Variants in CSGALNACT1 observed in about 807,000 individuals in gnomAD.
The protein encoded by CSGALNACT1 is beta4GalNAcT-1.
Under a neutral mutation model 51.0 loss-of-function variants are expected in CSGALNACT1, and 52 were observed. That is an observed-to-expected ratio of 1.02 (90% confidence interval 0.82 to 1.29). The LOEUF (loss-of-function observed/expected upper bound fraction) is 1.29, where lower values mean the gene tolerates loss of function less well. CSGALNACT1 is among the 50% of genes most tolerant of loss of function. The pLI, the probability that CSGALNACT1 is intolerant of heterozygous loss-of-function variation, is 0.00. For missense variants in CSGALNACT1, 935 were observed against 679.2 expected, an observed-to-expected ratio of 1.38 and a Z score of -4.19; for synonymous variants, 341 against 254.4, an observed-to-expected ratio of 1.34 and a Z score of -3.24.
rs997525718 is a variant in CSGALNACT1 at position 19,667,068 on chromosome 8, A to G, written c.-544+15405T>C. 8.5e-4 allele frequency among the ~76,000 whole-genome samples: 105 copies of G among 123,712 alleles called. 10 individuals carry two copies. The South Asian group carries it at 0.01, about 12-fold the overall frequency. The allele number at this position is 123,712 out of a possible 152,430, so 81.2% of individuals were successfully genotyped here. On this transcript the variant is annotated intron_variant, in intron 1 of 9. Coordinates refer to the CSGALNACT1 transcript ENST00000332246. ...GAAAGAAAGAAAGAAAGAAAGAAAG[A>G]AAGAAAGAAAGAAAGAAAGAAAGAA... is the stretch of plus-strand genomic sequence containing the variant.
intron 6 of CSGALNACT1, among the ~76,000 whole-genome samples, chr8:19,425,437 C>T (rs1585690370): frequency 6.6e-6 from 1 of 152,156 alleles, no homozygotes; most frequent in Admixed American, 6.5e-5. Context: ...TCGTGACTCC[C>T]TCCTTTTATG....
intron 5 of CSGALNACT1, among the ~76,000 whole-genome samples, chr8:19,448,926 C>G (rs751693437): frequency 4.6e-5 from 7 of 152,262 alleles, no homozygotes; most frequent in Non-Finnish European, 8.8e-5. Flanking sequence ...AAATAAGGAA[C>G]AGAGTTAGTG....
intron 4 of CSGALNACT1, among the ~76,000 whole-genome samples, chr8:19,459,877 C>T (rs2064996343): frequency 6.6e-6 from 1 of 152,150 alleles, no homozygotes; most frequent in South Asian, 2.1e-4. Context: ...ACCGTGCAAA[C>T]TGTGTCTCAT....
chr8:19,406,079 C>G lies in CSGALNACT1; in HGVS notation c.1310-10G>C. ...TCCAGATCAAACCCACCTGTCGGGA[C>G]AGAACACACTGTTGAATCACACTGC... On this transcript the variant is annotated splice_polypyrimidine_tract_variant and intron_variant, in intron 9 of 9. Transcript: ENST00000454498. 1 of 1,614,100 alleles carries G rather than the reference C, an allele frequency of 6.2e-7. No homozygotes were observed. The highest frequency in any genetic ancestry group is 8.5e-7 in the Non-Finnish European group (1 of 1,180,034).
intron 3 of CSGALNACT1, among the ~76,000 whole-genome samples, chr8:19,561,918 T>G (rs2040821991): frequency 6.6e-6 from 1 of 151,928 alleles, no homozygotes; most frequent in Admixed American, 6.5e-5. Context: ...GATTGCTATT[T>G]CAGCATGCGG....
At chr8:19,508,484 T>A (rs1317391420) in intron 3 of CSGALNACT1, among the ~76,000 whole-genome samples, 1 of 152,250 alleles carries the variant, frequency 6.6e-6, no homozygotes, top group African/African-American at 2.4e-5. Flanking sequence ...TTCCATCTGA[T>A]GAAAATCTTG....
intron 3 of CSGALNACT1, among the ~76,000 whole-genome samples, chr8:19,507,164 C>T (rs888139717): frequency 6.6e-6 from 1 of 152,160 alleles, no homozygotes. Flanking sequence ...ATGCTGCTTA[C>T]AGACAGGAGA....
intron 8 of CSGALNACT1, among the ~76,000 whole-genome samples, chr8:19,410,641 T>C (rs551260924): frequency 1.3e-5 from 2 of 152,316 alleles, no homozygotes; most frequent in South Asian, 2.1e-4. Context: ...GTAGGGCCTT[T>C]CGAGGTTGAA....
chr8:19,505,586 C>G (rs2077174165), exon 4 of CSGALNACT1: 2 of 1,613,964 alleles, frequency 1.2e-6, no homozygotes, highest in Non-Finnish European at 1.7e-6. Flanking sequence ...GCAGCTCCTC[C>G]TTGAGCTGTG....
chr8:19,686,433 G>T (rs147857455), upstream of CSGALNACT1, among the ~76,000 whole-genome samples: 7 of 152,156 alleles, frequency 4.6e-5, no homozygotes, highest in African/African-American at 1.2e-4. Context: ...AGCCACCAAC[G>T]CATTCTAACT....
chr8:19,721,945 T>A (rs1373579261), intron 1 of CSGALNACT1, among the ~76,000 whole-genome samples: 1 of 152,134 alleles, frequency 6.6e-6, no homozygotes, highest in East Asian at 1.9e-4. Context: ...AAATCTAAAA[T>A]GTTGCTACAG....
At chr8:19,457,913 G>A (rs2064463151) in intron 5 of CSGALNACT1, 2 of 743,628 alleles carry the variant, frequency 2.7e-6, no homozygotes, top group Non-Finnish European at 4.1e-6. Flanking sequence ...CTAAGATGAT[G>A]CAGGTTACAA....
exon 4 of CSGALNACT1, chr8:19,505,305 C>T (rs2077101000): frequency 3.7e-6 from 6 of 1,614,184 alleles, no homozygotes; most frequent in Non-Finnish European, 5.1e-6. Flanking sequence ...CAACTCATCC[C>T]GCTTGTCCTT....
intron 3 of CSGALNACT1, chr8:19,531,856 T>C (rs1462522686): frequency 6.6e-6 from 1 of 152,294 alleles, no homozygotes; most frequent in African/African-American, 2.4e-5. Flanking sequence ...ATGCAGGTAC[T>C]GCCCAGTCCA....
At chr8:19,619,923 G>A (rs776636267) in intron 1 of CSGALNACT1, among the ~76,000 whole-genome samples, 3 of 152,142 alleles carry the variant, frequency 2.0e-5, no homozygotes, top group East Asian at 1.9e-4. Context: ...CACTTGAGAC[G>A]CTGGGCAAAT....
intron 1 of CSGALNACT1, among the ~76,000 whole-genome samples, chr8:19,741,538 G>C (rs571740342): frequency 3.4e-5 from 5 of 146,836 alleles, no homozygotes; most frequent in Middle Eastern, 3.6e-3. Context: ...ATTCCAGCCT[G>C]GGCGAAAGAG....
At chr8:19,656,597 C>G (rs920088628) in intron 1 of CSGALNACT1, among the ~76,000 whole-genome samples, 3 of 106,434 alleles carry the variant, frequency 2.8e-5, no homozygotes, top group Non-Finnish European at 6.4e-5. Context: ...CTACGCCCCC[C>G]CCCCACACAC....
intron 4 of CSGALNACT1, among the ~76,000 whole-genome samples, chr8:19,462,354 T>A (rs1035267120): frequency 6.6e-6 from 1 of 151,874 alleles, no homozygotes. Flanking sequence ...GATTTTTTTT[T>A]CCCAATGAAG....
At position 19,742,944 on chromosome 8, in the gene CSGALNACT1, T is replaced by A. The variant is rs148800687; in HGVS notation, c.-297+14906A>T. Among the ~76,000 whole-genome samples, 26 of 152,336 alleles carry A rather than the reference T, an allele frequency of 1.7e-4. 1 individual carries two copies. The highest frequency in any genetic ancestry group is 3.4e-3 in the Middle Eastern group (1 of 294). On this transcript the variant is annotated intron_variant, in intron 1 of 1. Coordinates refer to the CSGALNACT1 transcript ENST00000517494. ...TGCCTCTCTGAGCTTTGGCTTCTCC[T>A]TCTGTGGTGCAGAAACACTGGACTA...
Sources: gnomAD v4.1 joint callset for allele counts (sites outside exome capture counted in the v4.1 genomes callset) on GRCh38, gnomAD v4.1.1 for gene constraint, MANE v1.5 for transcripts, NCBI Gene and HGNC (gene_info 2026-07-23, HGNC 2026-07-21) for gene names.